The following STAG1 variants were observed in gnomAD, a reference collection of about 807,000 sequenced individuals.
The protein encoded by STAG1 is cohesin subunit SA-1.
In STAG1, 26 loss-of-function variants were observed where a neutral mutation model predicts 170.9. The ratio of observed to expected loss-of-function variants is 0.15; its 90% CI spans 0.11 to 0.21. STAG1 has a LOEUF of 0.21. Ranked by LOEUF, STAG1 falls within the 10% of genes least tolerant of loss-of-function variation. STAG1 has a pLI of 1.00. For synonymous variants in STAG1, 514 were observed against 497.7 expected (o/e 1.03, Z -0.44); for missense variants, 964 against 1,509.5 (o/e 0.64, Z 5.99).
intron 20 of STAG1, among the ~76,000 whole-genome samples, chr3:136,418,588 T>A (rs1252554091): frequency 1.3e-5 from 2 of 151,706 alleles, no homozygotes; most frequent in Non-Finnish European, 2.9e-5. Flanking sequence ...ATGGTCAAGC[T>A]AAGCTTATAT....
chr3:136,523,413 G>GTTGT (rs55805120), intron 6 of STAG1, among the ~76,000 whole-genome samples: 112,043 of 151,500 alleles, frequency 0.74, 41,581 homozygotes, highest in East Asian at 0.86. Flanking sequence ...TGTTGATGGG[G>GTTGT]TTGTTTTCTT....
intron 5 of STAG1, among the ~76,000 whole-genome samples, chr3:136,551,253 GAGA>G (rs1559874406): frequency 3.5e-5 from 5 of 144,316 alleles, no homozygotes; most frequent in Non-Finnish European, 6.1e-5. Context: ...GAGAGAGAGA[GAGA>G]GAGAGGGAGA....
At chr3:136,585,296 G>C (rs1937759334) in intron 4 of STAG1, among the ~76,000 whole-genome samples, 1 of 152,112 alleles carries the variant, frequency 6.6e-6, no homozygotes, top group Admixed American at 6.6e-5. Context: ...ACAAAAATTA[G>C]CCAGGTATGG....
intron 8 of STAG1, among the ~76,000 whole-genome samples, chr3:136,501,871 A>C (rs1207721214): frequency 6.6e-6 from 1 of 152,186 alleles, no homozygotes; most frequent in Non-Finnish European, 1.5e-5. Flanking sequence ...TGGATAAATA[A>C]AAATGTTTCC....
rs946252192 is a variant in STAG1 at position 136,657,853 on chromosome 3, G to A, written c.-83-26872C>T. On this transcript the variant is annotated intron_variant, in intron 1 of 33. Transcript: ENST00000383202. ...CAAACAAACAAAAAAGGCTGAAAAG[G>A]AATGAAATGCACTAGAATGCAATAG... Among the ~76,000 whole-genome samples, 3 of 152,086 alleles carry A rather than the reference G, an allele frequency of 2.0e-5. No individual in the cohort carries two copies. In the East Asian group the frequency reaches 5.8e-4, roughly 29 times the overall value.
At chr3:136,653,990 A>G (rs780925520) in intron 1 of STAG1, among the ~76,000 whole-genome samples, 1 of 152,202 alleles carries the variant, frequency 6.6e-6, no homozygotes. Flanking sequence ...AATTTTCTCA[A>G]TATAATAAAG....
chr3:136,355,324 C>T (rs1936607536), intron 28 of STAG1, among the ~76,000 whole-genome samples: 1 of 129,978 alleles, frequency 7.7e-6, no homozygotes, highest in African/African-American at 2.9e-5. Flanking sequence ...TGCACTCCAG[C>T]CTGGGTATCA....
At chr3:136,750,817 T>A (rs973940598) in intron 1 of STAG1, among the ~76,000 whole-genome samples, 5 of 152,256 alleles carry the variant, frequency 3.3e-5, no homozygotes, top group Non-Finnish European at 5.9e-5. Context: ...ATTTCCCTAC[T>A]TGGTTAAAAT....
chr3:136,589,944 A>C, intron 4 of STAG1, among the ~76,000 whole-genome samples: 1 of 152,022 alleles, frequency 6.6e-6, no homozygotes, highest in African/African-American at 2.4e-5. Flanking sequence ...AAATAAAAAT[A>C]AAAATACATA....
chr3:136,668,413 TATA>T (rs1350843114), intron 1 of STAG1, among the ~76,000 whole-genome samples: 1 of 146,194 alleles, frequency 6.8e-6, no homozygotes, highest in African/African-American at 2.5e-5. Flanking sequence ...GTATAATATA[TATA>T]AAATATATAA....
chr3:136,523,556 C>T (rs575599255), intron 6 of STAG1, among the ~76,000 whole-genome samples: 8 of 152,304 alleles, frequency 5.3e-5, no homozygotes, highest in African/African-American at 1.9e-4. Flanking sequence ...CCTGTTCACT[C>T]TGATGGTAGT....
At chr3:136,679,275 C>A (rs57466072) in intron 1 of STAG1, among the ~76,000 whole-genome samples, 26,346 of 151,942 alleles carry the variant, frequency 0.17, 3,814 homozygotes, top group African/African-American at 0.41. Context: ...GGAAATCTAT[C>A]CCACAGAAAT....
At position 136,568,804 on chromosome 3, in the gene STAG1, C is replaced by G. The variant is rs1404448939; in HGVS notation, c.355G>C (p.Asp119His). ...YKQDRDIALL[D>H]LINFFIQCSG... ...CACTGGATAAAAAAGTTGATTAAAT[C>G]CAGAAGTGCGATGTCCCTGTCTTGT... The change falls in exon 5 of 34, where the codon GAT (aspartate) becomes CAT (histidine). Residue 119 changes from aspartate (D) to histidine (H), a missense_variant. Asp to His is a moderately conservative substitution (Grantham distance 81, BLOSUM62 -1). Around this residue, in one of 11 missense-constraint regions of STAG1, gnomAD observed 33 missense variants for 86.0 expected, o/e 0.38. Transcript: ENST00000383202. 1 of 1,612,294 alleles carries G rather than the reference C, an allele frequency of 6.2e-7. No homozygotes were observed. Among genetic ancestry groups the G allele is most frequent in the Non-Finnish European group, 8.5e-7 (1 of 1,179,514 alleles).
rs142142276 is a variant in STAG1 at position 136,358,838 on chromosome 3, C to A, written c.2936+310G>T. ...ATCCTCCTGCTTTGGGCTCCCAAAG[C>A]ACTGGGATTACAGGCGTGAACCACC... is the stretch of plus-strand genomic sequence containing the variant. On this transcript the variant is annotated intron_variant, in intron 27 of 33. Transcript: ENST00000383202. Among the ~76,000 whole-genome samples the A allele has an allele frequency of 7.9e-5, 12 of 152,102 alleles. No homozygotes were observed. The East Asian group carries it at 2.3e-3, about 30-fold the overall frequency.
At chr3:136,548,874 GA>G (rs1936267193) in intron 5 of STAG1, among the ~76,000 whole-genome samples, 1 of 152,096 alleles carries the variant, frequency 6.6e-6, no homozygotes. Context: ...GATAGTAGGT[GA>G]ATTATCATAA....
intron 1 of STAG1, among the ~76,000 whole-genome samples, chr3:136,747,869 C>T (rs892611925): frequency 6.6e-6 from 1 of 150,716 alleles, no homozygotes; most frequent in South Asian, 2.1e-4. Context: ...CTCCGCCTCC[C>T]GGGTTCACAC....
At chr3:136,466,792 A>G (rs1008480921) in intron 12 of STAG1, among the ~76,000 whole-genome samples, 1 of 152,264 alleles carries the variant, frequency 6.6e-6, no homozygotes, top group Non-Finnish European at 1.5e-5. Context: ...CCATCAGACT[A>G]ACAGTGGATT....
chr3:136,733,142 C>A (rs902331677), intron 1 of STAG1, among the ~76,000 whole-genome samples: 3 of 147,086 alleles, frequency 2.0e-5, no homozygotes, highest in Non-Finnish European at 4.5e-5. Context: ...TGGAGTGCAG[C>A]GGCATCATCT....
At chr3:136,709,575 AT>A (rs1472490453) in intron 1 of STAG1, among the ~76,000 whole-genome samples, 1 of 152,056 alleles carries the variant, frequency 6.6e-6, no homozygotes, top group Non-Finnish European at 1.5e-5. Flanking sequence ...CTCTAAAAAA[AT>A]AAAATAAAAT....
Sources: allele counts gnomAD v4.1 joint callset (sites outside exome capture counted in the v4.1 genomes callset), GRCh38; gene constraint gnomAD v4.1.1; regional missense constraint gnomAD v4.1.1; transcripts MANE v1.5; gene names NCBI Gene and HGNC (gene_info 2026-07-23, HGNC 2026-07-21).